The following EML5 variants were observed in gnomAD, a reference collection of about 807,000 sequenced individuals.
EML5 encodes the protein echinoderm microtubule-associated protein-like 5.
EML5 carries 120 observed loss-of-function variants against 250.0 expected under a neutral mutation model. The observed-to-expected ratio is 0.48, with a 90% CI of 0.41 to 0.56. EML5 has a LOEUF of 0.56. Ranked by LOEUF, EML5 falls within the 20% of genes least tolerant of loss-of-function variation. The pLI, the probability that EML5 is intolerant of heterozygous loss-of-function variation, is 0.00. For synonymous variants in EML5, 771 were observed against 806.5 expected, an observed-to-expected ratio of 0.96 and a Z score of 0.75; for missense variants, 2,006 against 2,437.6, an observed-to-expected ratio of 0.82 and a Z score of 3.73.
In EML5 at chr14:88,645,012, C is replaced by T. The variant is rs150994480; in HGVS notation, c.4029-501G>A. ...CGGGATCAGGAGTGAGCCACCACACCCAGCCTTTTCTCTTCTTTCTTTCTT... is the reference window on the plus strand; with the variant it reads ...CGGGATCAGGAGTGAGCCACCACACTCAGCCTTTTCTCTTCTTTCTTTCTT... On this transcript the variant is annotated intron_variant, in intron 29 of 43. Coordinates refer to ENST00000554922, the MANE Select transcript of EML5 (RefSeq NM_183387.3). Among the ~76,000 whole-genome samples, 40 of 150,558 alleles carry T rather than the reference C, an allele frequency of 2.7e-4. No individual in the cohort carries two copies. In the East Asian group the frequency reaches 7.0e-3, roughly 26 times the overall value.
intron 24 of EML5, 111 bp from the exon 25 acceptor site, chr14:88,661,941 G>A: frequency 1.0e-6 from 1 of 993,456 alleles, no homozygotes; most frequent in Middle Eastern, 2.2e-4. Context: ...TAAAATGAAA[G>A]TTTTAATGAA....
chr14:88,736,270 A>AT, intron 7 of EML5, 94 bp downstream of exon 7: 1 of 1,422,906 alleles, frequency 7.0e-7, no homozygotes, highest in South Asian at 1.3e-5. Context: ...AAGTGCTGGG[A>AT]TTACGGGCGT....
At chr14:88,734,554 G>GA (rs1165725132) in intron 7 of EML5, among the ~76,000 whole-genome samples, 2 of 151,184 alleles carry the variant, frequency 1.3e-5, no homozygotes, top group African/African-American at 4.9e-5. Context: ...GTGTGATCAA[G>GA]AAAAAAAATG....
rs376042112 is a variant in EML5 at position 88,687,200 on chromosome 14, C to G, written c.2854+16G>C. On this transcript the variant is annotated intron_variant, in intron 19 of 43. Transcript: ENST00000554922. ...CTTTTTTTCCTATACAAAAACCCCA[C>G]TAAGTCTCAAATCACCTTTAGATCC... is the stretch of plus-strand genomic sequence containing the variant. 191 of 1,584,626 alleles carry G rather than the reference C, an allele frequency of 1.2e-4. No individual in the cohort carries two copies. The highest frequency in any genetic ancestry group is 8.3e-4 in the Middle Eastern group (5 of 6,028).
chr14:88,729,911 C>A (rs1165685113), intron 7 of EML5, among the ~76,000 whole-genome samples: 1 of 150,312 alleles, frequency 6.7e-6, no homozygotes, highest in Admixed American at 6.6e-5. Flanking sequence ...CTATGGCTTA[C>A]ATACTGTCTT....
chr14:88,777,220 C>T (rs1464357957), intron 1 of EML5, among the ~76,000 whole-genome samples: 2 of 146,786 alleles, frequency 1.4e-5, no homozygotes, highest in African/African-American at 5.3e-5. Context: ...CACAACGGAG[C>T]TCCAATACAT....
chr14:88,650,321 G>T (rs2091560095), intron 27 of EML5, among the ~76,000 whole-genome samples: 1 of 152,076 alleles, frequency 6.6e-6, no homozygotes, highest in Non-Finnish European at 1.5e-5. Context: ...GGGCGTGGTG[G>T]TGCCTGCCTG....
intron 21 of EML5, among the ~76,000 whole-genome samples, chr14:88,679,284 C>T (rs949352929): frequency 1.3e-5 from 2 of 151,582 alleles, no homozygotes; most frequent in Admixed American, 6.6e-5. Flanking sequence ...CACAACTCAA[C>T]TCACAACAAA....
chr14:88,781,424 T>A (rs2094496448), intron 1 of EML5, among the ~76,000 whole-genome samples: 1 of 152,226 alleles, frequency 6.6e-6, no homozygotes, highest in Non-Finnish European at 1.5e-5. Context: ...ATTTGTTTTA[T>A]CCCACCTTGC....
At chr14:88,735,387 T>C (rs2093824056) in intron 7 of EML5, among the ~76,000 whole-genome samples, 1 of 152,112 alleles carries the variant, frequency 6.6e-6, no homozygotes. Context: ...AAAAGACCTA[T>C]GAACTAACAG....
At chr14:88,668,906 A>C (rs904111127) in intron 21 of EML5, among the ~76,000 whole-genome samples, 1 of 149,192 alleles carries the variant, frequency 6.7e-6, no homozygotes, top group African/African-American at 2.5e-5. Context: ...AACTAGAAAC[A>C]GCTGTGGTCA....
chr14:88,668,029 C>A (rs183165337), intron 21 of EML5, among the ~76,000 whole-genome samples: 19 of 152,326 alleles, frequency 1.2e-4, no homozygotes, highest in African/African-American at 3.8e-4. Flanking sequence ...CACAAGCTCA[C>A]TGAATGTTCT....
chr14:88,672,135 G>A lies in EML5; in HGVS notation c.3125-6646C>T, dbSNP rs73321683. ...ACCACATAGCACGTACCCTAAAATC[G>A]ATCACATAATTGAAAGTAAAACACT... On this transcript the variant is annotated intron_variant, in intron 21 of 43. Transcript: ENST00000554922. Among the ~76,000 whole-genome samples the A allele has an allele frequency of 1.5e-3, 221 of 152,098 alleles. 2 individuals carry two copies. The highest frequency in any genetic ancestry group is 5.2e-3 in the African/African-American group (216 of 41,494).
At chr14:88,760,154 G>A (rs2094217957) in intron 1 of EML5, among the ~76,000 whole-genome samples, 1 of 152,112 alleles carries the variant, frequency 6.6e-6, no homozygotes, top group South Asian at 2.1e-4. Context: ...CTCTCACAGA[G>A]CAAACATTTT....
chr14:88,670,347 G>T (rs542706645), intron 21 of EML5, among the ~76,000 whole-genome samples: 1 of 142,104 alleles, frequency 7.0e-6, no homozygotes, highest in South Asian at 2.2e-4. Flanking sequence ...GGAGAAAAAA[G>T]AAAAACAAAC....
rs142496269 is a variant in EML5, at chr14:88,613,680, T to C, written c.*2138A>G. On this transcript the variant is annotated 3_prime_UTR_variant, in exon 44 of 44. Transcript: ENST00000554922. ...CACAAAAAAAGGAAGGAAATGAGCA[T>C]GGTTGGCGATTGGAAGCAAGGGTAC... 1.3e-5 allele frequency: 2 copies of C among 152,168 alleles called. No homozygotes were observed. The highest frequency in any genetic ancestry group is 4.8e-5 in the African/African-American group (2 of 41,522). The allele number at this position is 152,168 out of a possible 1,614,324, so 9.4% of individuals were successfully genotyped here.
rs1479919874 is a variant in EML5, at chr14:88,678,600, G to C, written c.3124+3290C>G. The stretch of plus-strand genomic sequence containing the variant: ...AGCTTTCAAATTTTTGTTAATTTTA[G>C]GTTCCAAAATACTCATAGTGATTAA... On this transcript the variant is annotated intron_variant, in intron 21 of 43. Transcript: ENST00000554922. 1.3e-5 allele frequency among the ~76,000 whole-genome samples: 2 copies of C among 151,798 alleles called. 1 individual carries two copies. The highest frequency in any genetic ancestry group is 2.9e-5 in the Non-Finnish European group (2 of 67,978).
intron 25 of EML5, among the ~76,000 whole-genome samples, chr14:88,660,238 G>T (rs957709888): frequency 1.3e-5 from 2 of 150,570 alleles, no homozygotes; most frequent in East Asian, 3.9e-4. Context: ...AGCCATGATT[G>T]CGCCATTGCA....
intron 1 of EML5, among the ~76,000 whole-genome samples, chr14:88,756,823 T>C (rs576904142): frequency 3.0e-4 from 46 of 152,158 alleles, no homozygotes; most frequent in African/African-American, 8.7e-4. Context: ...TGAAGGACAT[T>C]TTAAAAGATC....
Sources: allele counts gnomAD v4.1 joint callset (sites outside exome capture counted in the v4.1 genomes callset), GRCh38; gene constraint gnomAD v4.1.1; transcripts MANE v1.5; gene names NCBI Gene and HGNC (gene_info 2026-07-23, HGNC 2026-07-21).